The following ARSB variants were observed in gnomAD, a reference collection of about 807,000 sequenced individuals.
ARSB encodes arylsulfatase B.
In ARSB, 41 loss-of-function variants were observed where a neutral mutation model predicts 50.9. That is an observed-to-expected ratio of 0.81 (90% CI 0.63 to 1.04). The LOEUF (loss-of-function observed/expected upper bound fraction) is 1.04. ARSB is among the 50% of genes least tolerant of loss of function. The probability of loss-of-function intolerance (pLI) is 0.00; values close to 1 mark genes in which losing one functional copy is unlikely to be tolerated. For synonymous variants in ARSB, 269 were observed against 284.8 expected, an observed-to-expected ratio of 0.94 and a Z score of 0.56; for missense variants, 672 against 693.3, an observed-to-expected ratio of 0.97 and a Z score of 0.35.
chr5:78,866,260 G>A lies in ARSB; in HGVS notation c.1142+19324C>T, dbSNP rs143668205. Among the ~76,000 whole-genome samples the A allele has an allele frequency of 2.6e-4, 39 of 152,280 alleles. No homozygotes were observed. The East Asian group carries it at 7.3e-3, about 29-fold the overall frequency. ...TGGAAGGCAAGGAGGAGCCAGTCACGTTTTACATGAATGGCAGCAGGCAAA... is the reference window on the plus strand; with the variant it reads ...TGGAAGGCAAGGAGGAGCCAGTCACATTTTACATGAATGGCAGCAGGCAAA... On this transcript the variant is annotated intron_variant, in intron 5 of 7. Transcript: ENST00000264914.
chr5:78,851,715 C>A (rs1432683386), intron 5 of ARSB, among the ~76,000 whole-genome samples: 1 of 152,130 alleles, frequency 6.6e-6, no homozygotes, highest in Non-Finnish European at 1.5e-5. Flanking sequence ...GTAGGTCACT[C>A]AGGACTTGCT....
At chr5:78,833,340 C>CTAGAA (rs143214981) in intron 6 of ARSB, among the ~76,000 whole-genome samples, 22 of 151,844 alleles carry the variant, frequency 1.4e-4, no homozygotes, top group African/African-American at 5.3e-4. Flanking sequence ...TGGACGAAGA[C>CTAGAA]AGAAGTATTT....
chr5:78,868,153 G>A (rs951361425), intron 5 of ARSB, among the ~76,000 whole-genome samples: 351 of 140,936 alleles, frequency 2.5e-3, no homozygotes, highest in Non-Finnish European at 4.2e-3. Context: ...CAAGAAATAT[G>A]GGACTATGTG....
intron 6 of ARSB, among the ~76,000 whole-genome samples, chr5:78,782,665 A>G (rs1222534886): frequency 6.6e-6 from 1 of 152,226 alleles, no homozygotes; most frequent in African/African-American, 2.4e-5. Flanking sequence ...CTTAAGTTTG[A>G]AACCAATTAA....
chr5:78,964,274 C>T (rs1266093949), intron 3 of ARSB, 142 bp downstream of exon 3: 1 of 832,038 alleles, frequency 1.2e-6, no homozygotes, highest in Non-Finnish European at 1.9e-6. Context: ...CAGGCTGATT[C>T]TGGGATACTG....
chr5:78,796,802 C>T (rs1047539216), intron 6 of ARSB, among the ~76,000 whole-genome samples: 7 of 152,106 alleles, frequency 4.6e-5, no homozygotes, highest in East Asian at 1.9e-4. Flanking sequence ...TACAGGCACA[C>T]GCCACCATGC....
chr5:78,781,278 T>C (rs1218313877), intron 7 of ARSB, among the ~76,000 whole-genome samples: 2 of 150,660 alleles, frequency 1.3e-5, no homozygotes, highest in Non-Finnish European at 3.0e-5. Flanking sequence ...TTTCTTCCTT[T>C]CACCCCTGCT....
At chr5:78,860,263 T>C (rs924561519) in intron 5 of ARSB, among the ~76,000 whole-genome samples, 3 of 152,196 alleles carry the variant, frequency 2.0e-5, no homozygotes, top group Admixed American at 1.3e-4. Flanking sequence ...AGTCTAAGTC[T>C]CTTTGTAGGT....
At chr5:78,936,032 C>G (rs920011959) in intron 4 of ARSB, among the ~76,000 whole-genome samples, 2 of 122,226 alleles carry the variant, frequency 1.6e-5, no homozygotes, top group South Asian at 3.2e-4. Flanking sequence ...TCTCTCCCCC[C>G]CCACCTCCCT....
intron 4 of ARSB, among the ~76,000 whole-genome samples, chr5:78,944,601 T>C (rs1751122929): frequency 6.6e-6 from 1 of 152,166 alleles, no homozygotes; most frequent in African/African-American, 2.4e-5. Context: ...CGGATATTGG[T>C]GAACAGCAAA....
chr5:78,880,764 A>G (rs954842180), intron 5 of ARSB, among the ~76,000 whole-genome samples: 3 of 152,262 alleles, frequency 2.0e-5, no homozygotes, highest in Non-Finnish European at 2.9e-5. Flanking sequence ...AATTTCTAAT[A>G]TCACAAAATA....
chr5:78,804,342 C>T (rs766440494), intron 6 of ARSB, among the ~76,000 whole-genome samples: 5 of 152,104 alleles, frequency 3.3e-5, no homozygotes, highest in Non-Finnish European at 5.9e-5. Flanking sequence ...CCACCCCATC[C>T]GAACCACCCT....
intron 6 of ARSB, among the ~76,000 whole-genome samples, chr5:78,811,552 A>G (rs1743805608): frequency 6.6e-6 from 1 of 152,238 alleles, no homozygotes; most frequent in East Asian, 1.9e-4. Context: ...TTAAAGGACA[A>G]AAGTAGTGAC....
chr5:78,843,086 C>A (rs1186367202), intron 5 of ARSB, among the ~76,000 whole-genome samples: 2 of 152,328 alleles, frequency 1.3e-5, no homozygotes, highest in South Asian at 2.1e-4. Context: ...AGCATTGGTA[C>A]TTTTGGACTC....
chr5:78,867,041 C>G (rs1243780278), intron 5 of ARSB, among the ~76,000 whole-genome samples: 1 of 152,176 alleles, frequency 6.6e-6, no homozygotes, highest in Non-Finnish European at 1.5e-5. Context: ...CTTTCCGAGT[C>G]AAAGAAAGGG....
chr5:78,855,257 A>G (rs995726118), intron 5 of ARSB, among the ~76,000 whole-genome samples: 10 of 152,188 alleles, frequency 6.6e-5, no homozygotes, highest in Non-Finnish European at 1.2e-4. Flanking sequence ...TCCAACAGGT[A>G]TGACTGCTCT....
Position 78,964,443 on chromosome 5 carries a change from G to A in ARSB, c.663C>T (p.Ala221=), listed in dbSNP as rs534594272. 5.6e-6 allele frequency: 9 copies of A among 1,613,948 alleles called. No individual in the cohort carries two copies. The highest frequency in any genetic ancestry group is 1.7e-5 in the Admixed American group (1 of 60,016). ...TCTCTGGTGGATGGTTAGTTATGAG[G>A]GCTATAGCCCTTTTGGTGAATATGT... ...STNIFTKRAI[A]LITNHPPEKP... Residue 221 remains alanine (A), a synonymous_variant, in exon 3 of 8, where the codon GCC becomes GCT. Coordinates refer to ENST00000264914, the MANE Select transcript of ARSB (RefSeq NM_000046.5).
intron 6 of ARSB, among the ~76,000 whole-genome samples, chr5:78,797,122 C>A (rs1277565955): frequency 6.6e-6 from 1 of 152,178 alleles, no homozygotes; most frequent in African/African-American, 2.4e-5. Flanking sequence ...TCGTGATCCG[C>A]CCGCCTCGGC....
At chr5:78,916,683 T>C (rs1169310699) in intron 4 of ARSB, among the ~76,000 whole-genome samples, 1 of 152,198 alleles carries the variant, frequency 6.6e-6, no homozygotes, top group Non-Finnish European at 1.5e-5. Flanking sequence ...ATTTATCATG[T>C]CCTAAAAGCA....
Sources: allele counts gnomAD v4.1 joint callset (sites outside exome capture counted in the v4.1 genomes callset), GRCh38; gene constraint gnomAD v4.1.1; transcripts MANE v1.5; gene names NCBI Gene and HGNC (gene_info 2026-07-23, HGNC 2026-07-21).